The following LRRIQ3 variants were observed in gnomAD, a reference collection of about 807,000 sequenced individuals.
The protein encoded by LRRIQ3 is leucine-rich repeat and IQ domain-containing protein 3.
In LRRIQ3, 75 loss-of-function variants were observed where a neutral mutation model predicts 59.3. The observed-to-expected ratio is 1.26, with a 90% CI of 1.05 to 1.53. The LOEUF is 1.53. LRRIQ3 is among the 40% of genes most tolerant of loss of function. The pLI is 0.00. For missense variants in LRRIQ3, 831 were observed against 710.0 expected (o/e 1.17, Z -1.94); for synonymous variants, 250 against 231.3 (o/e 1.08, Z -0.73).
At chr1:74,195,390 G>A (rs1421176680) in intron 1 of LRRIQ3, among the ~76,000 whole-genome samples, 3 of 152,018 alleles carry the variant, frequency 2.0e-5, no homozygotes, top group Admixed American at 1.3e-4. Flanking sequence ...ATAAAGAAGG[G>A]GGGAAAATTA....
intron 6 of LRRIQ3, among the ~76,000 whole-genome samples, chr1:74,072,460 C>A (rs1557602528): frequency 6.6e-6 from 1 of 151,738 alleles, no homozygotes; most frequent in Non-Finnish European, 1.5e-5. Flanking sequence ...CATGAACCTC[C>A]TAAAATTATA....
intron 4 of LRRIQ3, among the ~76,000 whole-genome samples, chr1:74,153,706 G>A (rs1490614527): frequency 3.3e-5 from 5 of 152,210 alleles, no homozygotes; most frequent in Admixed American, 6.5e-5. Context: ...ACTATAATAC[G>A]GTATGGTAAG....
At chr1:74,135,448 T>A (rs191705632) in intron 4 of LRRIQ3, among the ~76,000 whole-genome samples, 10 of 152,072 alleles carry the variant, frequency 6.6e-5, no homozygotes, top group African/African-American at 2.4e-4. Flanking sequence ...AGAATGAAAT[T>A]TCTTCTCAAT....
At chr1:74,102,761 T>C (rs1442613652) in intron 5 of LRRIQ3, among the ~76,000 whole-genome samples, 1 of 152,000 alleles carries the variant, frequency 6.6e-6, no homozygotes, top group Non-Finnish European at 1.5e-5. Context: ...CCCAGTGATC[T>C]CTCTATTGAC....
At chr1:74,131,034 A>G (rs1647008917) in intron 4 of LRRIQ3, among the ~76,000 whole-genome samples, 1 of 152,130 alleles carries the variant, frequency 6.6e-6, no homozygotes, top group South Asian at 2.1e-4. Flanking sequence ...ACACAATAAA[A>G]TATGATAATG....
chr1:74,155,501 T>G (rs960940746), intron 4 of LRRIQ3, among the ~76,000 whole-genome samples: 6 of 152,160 alleles, frequency 3.9e-5, no homozygotes, highest in Non-Finnish European at 7.4e-5. Flanking sequence ...TGGCTTACAT[T>G]TGTATTTATA....
At chr1:74,169,609 T>C (rs1649199690) in intron 3 of LRRIQ3, among the ~76,000 whole-genome samples, 1 of 152,092 alleles carries the variant, frequency 6.6e-6, no homozygotes, top group Non-Finnish European at 1.5e-5. Context: ...GGTGTGCCAC[T>C]GGCAAAATTG....
intron 3 of LRRIQ3, among the ~76,000 whole-genome samples, chr1:74,179,598 G>C (rs922806350): frequency 3.3e-5 from 5 of 151,740 alleles, no homozygotes; most frequent in Non-Finnish European, 7.4e-5. Context: ...ATCTCCATCG[G>C]TTCATATTTA....
intron 4 of LRRIQ3, among the ~76,000 whole-genome samples, chr1:74,130,350 G>A (rs187970882): frequency 6.6e-6 from 1 of 152,210 alleles, no homozygotes; most frequent in Non-Finnish European, 1.5e-5. Context: ...CACTGGCTGA[G>A]TTCCACCAAG....
intron 5 of LRRIQ3, chr1:74,084,015 G>C (rs1646300637): frequency 1.9e-6 from 1 of 531,504 alleles, no homozygotes; most frequent in Non-Finnish European, 3.2e-6. Flanking sequence ...ATGCTAGCTT[G>C]AGTGAATTAC....
chr1:74,080,424 T>C (rs971733688), intron 5 of LRRIQ3, among the ~76,000 whole-genome samples: 2 of 151,704 alleles, frequency 1.3e-5, no homozygotes, highest in African/African-American at 4.8e-5. Context: ...TGGTACTAGA[T>C]ATGTATTTTC....
rs544897892 is a variant in LRRIQ3, at chr1:74,090,337, A to T, written c.868-15547T>A. 7.9e-4 allele frequency among the ~76,000 whole-genome samples: 105 copies of T among 132,380 alleles called. 1 individual carries two copies. The East Asian group carries it at 0.01, about 13-fold the overall frequency. The allele number at this position is 132,380 out of a possible 152,430, so 86.8% of individuals were successfully genotyped here. ...AAATCTACAAAATAGTTTTTTTTTTAAAACTGAAGTGCTAGGAAGATGAGA... is the reference window on the plus strand; with the variant it reads ...AAATCTACAAAATAGTTTTTTTTTTTAAACTGAAGTGCTAGGAAGATGAGA... On this transcript the variant is annotated intron_variant, in intron 5 of 7. Coordinates refer to ENST00000354431, the MANE Select transcript of LRRIQ3 (RefSeq NM_001105659.2).
intron 4 of LRRIQ3, among the ~76,000 whole-genome samples, chr1:74,145,362 T>A (rs763955088): frequency 6.6e-6 from 1 of 152,172 alleles, no homozygotes; most frequent in Non-Finnish European, 1.5e-5. Context: ...GGCTCTGCCA[T>A]GCTTCTCACT....
chr1:74,084,519 A>T (rs1410449037), intron 5 of LRRIQ3, among the ~76,000 whole-genome samples: 2 of 151,768 alleles, frequency 1.3e-5, no homozygotes, highest in African/African-American at 4.8e-5. Flanking sequence ...TTGTGAAACG[A>T]GTGTATGCAT....
chr1:74,081,407 G>A (rs1324343405), intron 5 of LRRIQ3, among the ~76,000 whole-genome samples: 1 of 151,566 alleles, frequency 6.6e-6, no homozygotes, highest in East Asian at 1.9e-4. Context: ...AAGATTGGAG[G>A]CACCAATGTG....
At chr1:74,161,916 C>A (rs1490212784) in intron 3 of LRRIQ3, among the ~76,000 whole-genome samples, 1 of 151,744 alleles carries the variant, frequency 6.6e-6, no homozygotes, top group Non-Finnish European at 1.5e-5. Context: ...ATGAAGGAAT[C>A]CTCTTTGTAA....
chr1:74,103,795 C>A (rs992724097), intron 5 of LRRIQ3, among the ~76,000 whole-genome samples: 2 of 151,426 alleles, frequency 1.3e-5, no homozygotes, highest in East Asian at 1.9e-4. Context: ...CTTCCCCCCC[C>A]CGCCATATTT....
intron 4 of LRRIQ3, among the ~76,000 whole-genome samples, chr1:74,119,871 G>T (rs977063487): frequency 6.6e-6 from 1 of 151,968 alleles, no homozygotes; most frequent in Non-Finnish European, 1.5e-5. Flanking sequence ...TATTTCTTCA[G>T]ATGTTTCTTG....
intron 4 of LRRIQ3, among the ~76,000 whole-genome samples, chr1:74,151,226 C>A (rs2100657671): frequency 6.6e-6 from 1 of 151,708 alleles, no homozygotes; most frequent in South Asian, 2.1e-4. Context: ...CCATGTTGGC[C>A]AGAATGCTCT....
Sources: allele counts gnomAD v4.1 joint callset (sites outside exome capture counted in the v4.1 genomes callset), GRCh38; gene constraint gnomAD v4.1.1; transcripts MANE v1.5; gene names NCBI Gene and HGNC (gene_info 2026-07-23, HGNC 2026-07-21).